PCDH15: variants seen among roughly 807,000 people sequenced by gnomAD.
The protein encoded by PCDH15 is protocadherin related 15.
A neutral mutation model predicts 178.5 loss-of-function variants in PCDH15; 129 were observed. The observed-to-expected ratio is 0.72, with a 90% CI of 0.63 to 0.84. The LOEUF is 0.84. Among genes scored for constraint, PCDH15 ranks in the 40% least tolerant of loss-of-function variants. The pLI, the probability that PCDH15 is intolerant of heterozygous loss-of-function variation, is 0.00. For synonymous variants in PCDH15, 800 were observed against 732.0 expected (o/e 1.09, Z -1.50); for missense variants, 2,230 against 2,099.9 (o/e 1.06, Z -1.21).
At chr10:53,920,294 A>G (rs1442018469) in intron 25 of PCDH15, among the ~76,000 whole-genome samples, 5 of 152,124 alleles carry the variant, frequency 3.3e-5, no homozygotes, top group Admixed American at 3.3e-4. Flanking sequence ...AATTGTCTAT[A>G]AAAAGTGAAA....
intron 3 of PCDH15, among the ~76,000 whole-genome samples, chr10:54,393,344 G>A (rs1330084843): frequency 1.3e-5 from 2 of 152,122 alleles, no homozygotes; most frequent in African/African-American, 2.4e-5. Context: ...TTCTCAAGAA[G>A]GTTTTTGGTA....
intron 2 of PCDH15, among the ~76,000 whole-genome samples, chr10:55,022,153 G>A (rs549441751): frequency 6.6e-5 from 10 of 151,872 alleles, no homozygotes; most frequent in Admixed American, 2.6e-4. Flanking sequence ...ATGATATATC[G>A]TATTATTCAA....
At chr10:54,960,834 A>G (rs1838626653) in intron 2 of PCDH15, among the ~76,000 whole-genome samples, 1 of 152,220 alleles carries the variant, frequency 6.6e-6, no homozygotes, top group South Asian at 2.1e-4. Context: ...ACAGAAAGAT[A>G]GTAATATATC....
chr10:54,443,814 C>T (rs917067497), intron 3 of PCDH15, among the ~76,000 whole-genome samples: 1 of 151,594 alleles, frequency 6.6e-6, no homozygotes, highest in African/African-American at 2.4e-5. Context: ...AACCTGGCTG[C>T]TCTGACTTCC....
intron 7 of PCDH15, 46 bp from the exon 8 acceptor site, chr10:54,317,487 C>T (rs527444201): frequency 3.7e-6 from 6 of 1,605,012 alleles, no homozygotes; most frequent in Admixed American, 1.7e-5. Context: ...AGAAATTAGG[C>T]ACAATAGCCA....
intron 1 of PCDH15, among the ~76,000 whole-genome samples, chr10:55,198,145 C>A (rs565375155): frequency 2.0e-5 from 3 of 152,060 alleles, no homozygotes; most frequent in Admixed American, 2.0e-4. Flanking sequence ...GTAATATGTT[C>A]TTCTTCACTG....
intron 1 of PCDH15, among the ~76,000 whole-genome samples, chr10:54,722,629 G>A (rs1941827614): frequency 6.7e-6 from 1 of 149,814 alleles, no homozygotes; most frequent in South Asian, 2.1e-4. Context: ...TGGCATAATT[G>A]TGTATCAGAA....
intron 1 of PCDH15, among the ~76,000 whole-genome samples, chr10:54,701,042 G>T (rs2095303524): frequency 6.6e-6 from 1 of 152,100 alleles, no homozygotes; most frequent in Non-Finnish European, 1.5e-5. Context: ...AGCCTGAAGA[G>T]ATTAGGGGCC....
intron 26 of PCDH15, among the ~76,000 whole-genome samples, chr10:53,882,323 T>TC (rs2080783005): frequency 6.6e-6 from 1 of 152,168 alleles, no homozygotes; most frequent in African/African-American, 2.4e-5. Context: ...TAGCATGGGC[T>TC]CCCAGAGCTC....
rs76116145 is a variant in PCDH15 at position 54,873,025 on chromosome 10, C to T, written c.-29+24425G>A. Among the ~76,000 whole-genome samples, 4 of 92,414 alleles carry T rather than the reference C, an allele frequency of 4.3e-5. No homozygotes were observed. The South Asian group carries it at 1.3e-3, about 31-fold the overall frequency. 60.6% of individuals were successfully genotyped at this position (92,414 alleles called of 152,430 possible). On this transcript the variant is annotated intron_variant, in intron 3 of 5. Transcript: ENST00000458638. ...GCTACCAACCATCCAGGAAAAAAAA[C>T]GAAACAATTTTCTACAGGTGACGAA...
chr10:54,438,488 C>CTATA (rs1371771227), intron 3 of PCDH15, among the ~76,000 whole-genome samples: 1 of 151,536 alleles, frequency 6.6e-6, no homozygotes, highest in African/African-American at 2.4e-5. Context: ...TGCACTTGGC[C>CTATA]TATATATAGC....
chr10:54,492,203 G>A (rs1021803155), intron 3 of PCDH15, among the ~76,000 whole-genome samples: 2 of 152,126 alleles, frequency 1.3e-5, no homozygotes, highest in South Asian at 2.1e-4. Flanking sequence ...GAGGCAAGAC[G>A]TGTCAACCTG....
intron 2 of PCDH15, among the ~76,000 whole-genome samples, chr10:55,358,967 A>C (rs1192604843): frequency 1.3e-5 from 2 of 152,102 alleles, no homozygotes; most frequent in African/African-American, 4.8e-5. Context: ...TGAAATGGGA[A>C]GATCTTTCGA....
At chr10:54,828,182 T>C (rs1226774262) in intron 3 of PCDH15, among the ~76,000 whole-genome samples, 5 of 151,922 alleles carry the variant, frequency 3.3e-5, no homozygotes, top group African/African-American at 1.2e-4. Flanking sequence ...CTCGAAGCAT[T>C]AATATACCTT....
chr10:55,569,322 G>C (rs1445877992), intron 2 of PCDH15, among the ~76,000 whole-genome samples: 2 of 151,884 alleles, frequency 1.3e-5, no homozygotes, highest in Non-Finnish European at 2.9e-5. Flanking sequence ...ACTGCAGATG[G>C]AAATGCAGCA....
chr10:55,509,630 C>T (rs7076179), intron 2 of PCDH15, among the ~76,000 whole-genome samples: 63,533 of 151,500 alleles, frequency 0.42, 13,991 homozygotes, highest in East Asian at 0.81. Flanking sequence ...AAATGTTTTA[C>T]GGAACCATCA....
chr10:54,313,721 C>T (rs755835532), intron 8 of PCDH15, among the ~76,000 whole-genome samples: 9 of 152,066 alleles, frequency 5.9e-5, no homozygotes, highest in Admixed American at 1.3e-4. Context: ...TAGTTCATTA[C>T]GAACAGAACA....
intron 8 of PCDH15, among the ~76,000 whole-genome samples, chr10:54,247,754 T>C (rs2056098521): frequency 6.6e-6 from 1 of 151,792 alleles, no homozygotes; most frequent in South Asian, 2.1e-4. Flanking sequence ...ATAAAGCTTT[T>C]CGATAAACTA....
At chr10:55,202,348 C>T (rs986258301) in intron 1 of PCDH15, among the ~76,000 whole-genome samples, 1 of 152,092 alleles carries the variant, frequency 6.6e-6, no homozygotes, top group African/African-American at 2.4e-5. Context: ...TCCCTTCCAT[C>T]ACCCATGGCA....
Sources: gnomAD v4.1 joint callset for allele counts (sites outside exome capture counted in the v4.1 genomes callset) on GRCh38, gnomAD v4.1.1 for gene constraint, MANE v1.5 for transcripts, NCBI Gene and HGNC (gene_info 2026-07-23, HGNC 2026-07-21) for gene names.